Variants in DLGAP2 observed in about 807,000 individuals in gnomAD.
The protein encoded by DLGAP2 is DLG associated protein 2.
A neutral mutation model predicts 100.3 loss-of-function variants in DLGAP2; 26 were observed. The observed-to-expected ratio is 0.26, with a 90% CI of 0.19 to 0.36. The LOEUF is 0.36. DLGAP2 is among the 10% of genes least tolerant of loss of function. The pLI, the probability that DLGAP2 is intolerant of heterozygous loss-of-function variation, is 1.00. For synonymous variants in DLGAP2, 886 were observed against 630.1 expected (o/e 1.41, Z -6.08); for missense variants, 1,858 against 1,453.2 (o/e 1.28, Z -4.53).
At chr8:1,245,416 A>T (rs943026701) in intron 2 of DLGAP2, among the ~76,000 whole-genome samples, 2 of 152,240 alleles carry the variant, frequency 1.3e-5, no homozygotes, top group African/African-American at 4.8e-5. Flanking sequence ...TCTAGCAATA[A>T]AGGAATGGAG....
intron 2 of DLGAP2, among the ~76,000 whole-genome samples, chr8:1,254,178 C>T (rs956220111): frequency 4.6e-5 from 7 of 152,214 alleles, no homozygotes; most frequent in South Asian, 2.1e-4. Flanking sequence ...TTGCAGGTCT[C>T]AGTCTGCCTC....
chr8:827,555 T>G (rs548579879), intron 1 of DLGAP2, among the ~76,000 whole-genome samples: 1 of 152,308 alleles, frequency 6.6e-6, no homozygotes, highest in East Asian at 1.9e-4. Context: ...CATGCAGAAC[T>G]TAGAACAGTA....
chr8:1,248,247 C>T (rs1156943036), intron 2 of DLGAP2, among the ~76,000 whole-genome samples: 3 of 31,522 alleles, frequency 9.5e-5, no homozygotes, highest in Non-Finnish European at 2.0e-4. Context: ...CCTTTGAGAT[C>T]AGTGTGGGAG....
chr8:931,471 G>C (rs1798955392), intron 2 of DLGAP2, among the ~76,000 whole-genome samples: 1 of 152,192 alleles, frequency 6.6e-6, no homozygotes, highest in Non-Finnish European at 1.5e-5. Flanking sequence ...GCTACCCTGG[G>C]ATCTGGGATT....
chr8:739,510 G>GCC lies in DLGAP2; in HGVS notation c.18+1685_18+1686insCC, dbSNP rs1820428088. On this transcript the variant is annotated intron_variant, in intron 1 of 14. Transcript: ENST00000637795. Reference sequence around the variant, plus strand: ...CCTTGGAAGGCGCATTTTGGCCTGAGGTGAACGCACCTTACACCATTTTCA... The same window carrying GCC: ...CCTTGGAAGGCGCATTTTGGCCTGAGCCGTGAACGCACCTTACACCATTTTCA... 5.9e-5 allele frequency: 9 copies of GCC among 152,370 alleles called. No homozygotes were observed. The East Asian group carries it at 1.5e-3, about 26-fold the overall frequency. The allele number at this position is 152,370 out of a possible 1,614,324, so 9.4% of individuals were successfully genotyped here. A position where few individuals can be genotyped will look rare whatever the true frequency, so the allele number is the denominator to read the frequency against.
chr8:1,088,618 A>G (rs1275763401), intron 2 of DLGAP2, among the ~76,000 whole-genome samples: 1 of 152,146 alleles, frequency 6.6e-6, no homozygotes, highest in Non-Finnish European at 1.5e-5. Context: ...AACAGGCAGA[A>G]GAACGTTACT....
At chr8:1,254,968 A>AGGTGCTGTGTGTGTGTCCTC (rs1799145708) in intron 2 of DLGAP2, among the ~76,000 whole-genome samples, 1 of 49,074 alleles carries the variant, frequency 2.0e-5, no homozygotes, top group Non-Finnish European at 3.6e-5. Context: ...GTGTCCTCTC[A>AGGTGCTGTGTGTGTGTCCTC]TCCTGTCCGG....
chr8:1,644,565 A>T (rs1057271803), intron 8 of DLGAP2, among the ~76,000 whole-genome samples: 3 of 152,188 alleles, frequency 2.0e-5, no homozygotes, highest in Non-Finnish European at 2.9e-5. Flanking sequence ...TCCTGATCTG[A>T]TCAGCGTCTG....
chr8:1,011,096 TAC>T (rs1175629816), intron 2 of DLGAP2, among the ~76,000 whole-genome samples: 1 of 121,060 alleles, frequency 8.3e-6, no homozygotes, highest in East Asian at 2.6e-4. Flanking sequence ...TGGAATGAGG[TAC>T]CTTAGTCTGC....
At chr8:984,092 C>G (rs1039986709) in intron 2 of DLGAP2, among the ~76,000 whole-genome samples, 1 of 152,130 alleles carries the variant, frequency 6.6e-6, no homozygotes, top group Admixed American at 6.5e-5. Context: ...GGGCACCTGT[C>G]CCTACCTCGT....
intron 3 of DLGAP2, among the ~76,000 whole-genome samples, chr8:1,331,121 T>G (rs1801148747): frequency 6.6e-6 from 1 of 152,196 alleles, no homozygotes; most frequent in South Asian, 2.1e-4. Context: ...ATGCACGCTT[T>G]CTTTCATCTG....
chr8:1,683,378 G>A (rs1305308494), intron 12 of DLGAP2, among the ~76,000 whole-genome samples: 1 of 151,412 alleles, frequency 6.6e-6, no homozygotes, highest in Non-Finnish European at 1.5e-5. Context: ...TCCTCTGGAG[G>A]AAGATCTTCA....
intron 2 of DLGAP2, among the ~76,000 whole-genome samples, chr8:924,224 G>T (rs1422056987): frequency 6.6e-6 from 1 of 152,328 alleles, no homozygotes; most frequent in South Asian, 2.1e-4. Flanking sequence ...TGAAGGAGGT[G>T]ACGTTAATTC....
rs141600691 is a variant in DLGAP2, at chr8:1,078,354, C to T, written c.73+170388C>T. On this transcript the variant is annotated intron_variant, in intron 2 of 14. Coordinates refer to ENST00000637795, the MANE Select transcript of DLGAP2 (RefSeq NM_001346810.2). The stretch of plus-strand genomic sequence containing the variant: ...CTGTATTCCATTTCTCTGCTGTTAG[C>T]GTCTCACATGAGGTGGCACATTGGT... 8.2e-3 allele frequency among the ~76,000 whole-genome samples: 1,243 copies of T among 152,284 alleles called. 26 individuals carry two copies. Among genetic ancestry groups the T allele is most frequent in the African/African-American group, 0.029 (1,188 of 41,566 alleles).
At chr8:862,128 T>C (rs1438767188) in intron 1 of DLGAP2, among the ~76,000 whole-genome samples, 1 of 152,074 alleles carries the variant, frequency 6.6e-6, no homozygotes, top group Non-Finnish European at 1.5e-5. Flanking sequence ...GGGGTCTCTT[T>C]TGTGGAGTGA....
At chr8:919,221 G>T (rs1045803472) in intron 2 of DLGAP2, among the ~76,000 whole-genome samples, 1 of 152,210 alleles carries the variant, frequency 6.6e-6, no homozygotes, top group Non-Finnish European at 1.5e-5. Flanking sequence ...AATGTATTAG[G>T]AAGGAGTTGT....
chr8:1,279,662 G>C (rs965725846), intron 3 of DLGAP2, among the ~76,000 whole-genome samples: 2 of 152,236 alleles, frequency 1.3e-5, no homozygotes, highest in Admixed American at 6.5e-5. Flanking sequence ...GTGTCAGCTT[G>C]TGAGGCTTGG....
intron 2 of DLGAP2, among the ~76,000 whole-genome samples, chr8:1,026,182 C>T (rs1447243690): frequency 6.6e-6 from 1 of 152,154 alleles, no homozygotes; most frequent in African/African-American, 2.4e-5. Flanking sequence ...TCGTTGTCAC[C>T]TCATCCAGGA....
At chr8:979,341 T>C (rs1280316242) in intron 2 of DLGAP2, among the ~76,000 whole-genome samples, 1 of 152,206 alleles carries the variant, frequency 6.6e-6, no homozygotes, top group African/African-American at 2.4e-5. Context: ...TCAGTGGATA[T>C]CCACCCCACA....
Sources: gnomAD v4.1 joint callset for allele counts (sites outside exome capture counted in the v4.1 genomes callset) on GRCh38, gnomAD v4.1.1 for gene constraint, MANE v1.5 for transcripts, NCBI Gene and HGNC (gene_info 2026-07-23, HGNC 2026-07-21) for gene names.